The following PARM1 variants were observed in gnomAD, a reference collection of about 807,000 sequenced individuals.
PARM1 encodes WSC4, cell wall integrity and stress response component 4 homolog.
Under a neutral mutation model 24.6 loss-of-function variants are expected in PARM1, and 14 were observed. The ratio of observed to expected loss-of-function variants is 0.57; its 90% confidence interval spans 0.38 to 0.89. The LOEUF (loss-of-function observed/expected upper bound fraction) is 0.89, where lower values mean the gene tolerates loss of function less well. Ranked by LOEUF, PARM1 falls within the 40% of genes least tolerant of loss-of-function variation. The pLI, the probability that PARM1 is intolerant of heterozygous loss-of-function variation, is 0.00. For missense variants in PARM1, 362 were observed against 380.4 expected (o/e 0.95, Z 0.40); for synonymous variants, 179 against 156.6 (o/e 1.14, Z -1.07).
At chr4:75,039,550 A>G (rs10006711) in intron 3 of PARM1, among the ~76,000 whole-genome samples, 50,867 of 151,816 alleles carry the variant, frequency 0.34, 10,376 homozygotes, top group South Asian at 0.46. Flanking sequence ...AAATAAATAA[A>G]CAGTTTCCTG....
intron 1 of PARM1, among the ~76,000 whole-genome samples, chr4:74,993,538 T>C (rs1578042742): frequency 1.3e-5 from 2 of 152,302 alleles, no homozygotes; most frequent in South Asian, 4.1e-4. Context: ...TATGCAGCCA[T>C]GTATAACTGA....
At chr4:75,029,788 T>A (rs1419597446) in intron 2 of PARM1, among the ~76,000 whole-genome samples, 2 of 151,754 alleles carry the variant, frequency 1.3e-5, no homozygotes, top group African/African-American at 4.9e-5. Flanking sequence ...TAGGAGTAGG[T>A]ACTCAGGTAA....
At chr4:75,025,234 T>G (rs539982448) in intron 2 of PARM1, among the ~76,000 whole-genome samples, 1 of 152,286 alleles carries the variant, frequency 6.6e-6, no homozygotes, top group African/African-American at 2.4e-5. Context: ...GCCTCTGGTG[T>G]TCCTCATTTC....
chr4:75,003,212 G>A (rs944668292), intron 1 of PARM1, among the ~76,000 whole-genome samples: 9 of 151,804 alleles, frequency 5.9e-5, no homozygotes, highest in African/African-American at 1.5e-4. Context: ...TCAGACATTC[G>A]TTGGCGTCCT....
chr4:75,014,743 G>T (rs1722948941), intron 2 of PARM1, among the ~76,000 whole-genome samples: 1 of 152,190 alleles, frequency 6.6e-6, no homozygotes, highest in African/African-American at 2.4e-5. Flanking sequence ...TGGATCTGCA[G>T]AGGTGAAGGG....
intron 1 of PARM1, among the ~76,000 whole-genome samples, chr4:75,000,926 G>T (rs1722669397): frequency 6.6e-6 from 1 of 152,164 alleles, no homozygotes; most frequent in African/African-American, 2.4e-5. Flanking sequence ...ACCATTGCGG[G>T]TAGCTGTATG....
rs1225350510 is a variant in PARM1, at chr4:75,049,400, C to T, written c.*3153C>T. ...ATAGATATATAAGTGATCTCAGTTT[C>T]TTGTTTGCTGTGATACTAATGTGTT... On this transcript the variant is annotated 3_prime_UTR_variant, in exon 4 of 4. Coordinates refer to ENST00000307428, the MANE Select transcript of PARM1 (RefSeq NM_015393.4). 1 of 152,182 alleles carries T rather than the reference C, an allele frequency of 6.6e-6. No homozygotes were observed. The highest frequency in any genetic ancestry group is 2.4e-5 in the African/African-American group (1 of 41,446). 9.4% of individuals were successfully genotyped at this position (152,182 alleles called of 1,614,324 possible).
chr4:75,002,640 G>C (rs1434108466), intron 1 of PARM1, among the ~76,000 whole-genome samples: 1 of 152,114 alleles, frequency 6.6e-6, no homozygotes, highest in Non-Finnish European at 1.5e-5. Flanking sequence ...GTCACTGGCA[G>C]AACATTCAAA....
intron 1 of PARM1, among the ~76,000 whole-genome samples, chr4:74,954,520 T>C (rs1721594812): frequency 6.6e-6 from 1 of 152,254 alleles, no homozygotes; most frequent in Admixed American, 6.5e-5. Context: ...AAAACACTGC[T>C]GTTTTGAAAT....
chr4:75,028,599 G>A (rs1033381806), intron 2 of PARM1, among the ~76,000 whole-genome samples: 2 of 152,204 alleles, frequency 1.3e-5, no homozygotes, highest in Non-Finnish European at 2.9e-5. Flanking sequence ...TCAGGAACTT[G>A]GTCAAGTATT....
chr4:75,010,883 A>T (rs1722857809), intron 1 of PARM1, among the ~76,000 whole-genome samples: 2 of 152,220 alleles, frequency 1.3e-5, no homozygotes, highest in African/African-American at 4.8e-5. Context: ...CGGGTAATTT[A>T]TAAAGAAAAG....
intron 1 of PARM1, among the ~76,000 whole-genome samples, chr4:74,945,430 C>T (rs79187390): frequency 0.071 from 10,863 of 152,278 alleles, 460 homozygotes; most frequent in Non-Finnish European, 0.094. Flanking sequence ...ATTCGAAATT[C>T]ATTCTGCTAC....
intron 1 of PARM1, among the ~76,000 whole-genome samples, chr4:75,002,669 C>T (rs912868978): frequency 4.6e-5 from 7 of 152,086 alleles, no homozygotes; most frequent in African/African-American, 1.7e-4. Flanking sequence ...TGAGTTCTCT[C>T]CCTCCCTTCC....
chr4:75,011,917 T>G (rs1448437407), intron 1 of PARM1, among the ~76,000 whole-genome samples: 1 of 152,130 alleles, frequency 6.6e-6, no homozygotes, highest in African/African-American at 2.4e-5. Flanking sequence ...CCTCAAGACA[T>G]GGAACAGCCA....
chr4:75,016,548 C>T (rs1411252069), intron 2 of PARM1, among the ~76,000 whole-genome samples: 1 of 152,078 alleles, frequency 6.6e-6, no homozygotes, highest in African/African-American at 2.4e-5. Flanking sequence ...GTTTTTCAGC[C>T]CTTCCCCCAT....
At chr4:74,953,378 A>G (rs1304526358) in intron 1 of PARM1, among the ~76,000 whole-genome samples, 1 of 152,230 alleles carries the variant, frequency 6.6e-6, no homozygotes, top group African/African-American at 2.4e-5. Flanking sequence ...TAAAGCTCTG[A>G]TGCTGCAAAC....
intron 1 of PARM1, among the ~76,000 whole-genome samples, chr4:75,010,560 A>G (rs1722851978): frequency 6.6e-6 from 1 of 152,242 alleles, no homozygotes; most frequent in African/African-American, 2.4e-5. Flanking sequence ...TAAATAGACA[A>G]CAGGCTAGAG....
At chr4:75,033,413 C>G (rs1723307803) in intron 2 of PARM1, among the ~76,000 whole-genome samples, 1 of 151,996 alleles carries the variant, frequency 6.6e-6, no homozygotes, top group African/African-American at 2.4e-5. Context: ...CCGAAAAAAA[C>G]ATTACTTTGC....
At chr4:75,030,051 G>A (rs2109806803) in intron 2 of PARM1, among the ~76,000 whole-genome samples, 1 of 152,238 alleles carries the variant, frequency 6.6e-6, no homozygotes, top group Middle Eastern at 3.4e-3. Context: ...ACCTAGGGAA[G>A]CACATAAACA....
Sources: allele counts gnomAD v4.1 joint callset (sites outside exome capture counted in the v4.1 genomes callset), GRCh38; gene constraint gnomAD v4.1.1; transcripts MANE v1.5; gene names NCBI Gene and HGNC (gene_info 2026-07-23, HGNC 2026-07-21).